Variants in KANK1 observed in about 807,000 individuals in gnomAD.
KANK1 encodes KN motif and ankyrin repeat domains 1.
In KANK1, 109 loss-of-function variants were observed where a neutral mutation model predicts 106.2. The observed-to-expected ratio is 1.03, with a 90% CI of 0.88 to 1.20. KANK1 has a LOEUF of 1.20. KANK1 is among the 50% of genes most tolerant of loss of function. The pLI is 0.00. For synonymous variants in KANK1, 873 were observed against 652.2 expected (o/e 1.34, Z -5.16); for missense variants, 2,399 against 1,710.7 (o/e 1.40, Z -7.10).
At chr9:635,803 A>T (rs1481129527) in intron 1 of KANK1, among the ~76,000 whole-genome samples, 1 of 137,702 alleles carries the variant, frequency 7.3e-6, no homozygotes, top group East Asian at 2.3e-4. Flanking sequence ...GGTTCAGGTG[A>T]TTCTCCTGTC....
chr9:496,433 G>T (rs2058460311), intron 3 of KANK1, among the ~76,000 whole-genome samples: 1 of 152,124 alleles, frequency 6.6e-6, no homozygotes. Flanking sequence ...ACATATGCCT[G>T]TATGTGCCAG....
intron 2 of KANK1, among the ~76,000 whole-genome samples, chr9:680,147 G>T (rs950200655): frequency 2.0e-5 from 3 of 152,058 alleles, no homozygotes; most frequent in African/African-American, 7.3e-5. Context: ...TGCTGCTTGG[G>T]CTTCATAGAG....
chr9:656,156 C>G (rs186434526), intron 1 of KANK1, among the ~76,000 whole-genome samples: 2 of 152,338 alleles, frequency 1.3e-5, no homozygotes, highest in East Asian at 1.9e-4. Flanking sequence ...TGAGCCCAAC[C>G]TTTCAGGCCT....
intron 1 of KANK1, among the ~76,000 whole-genome samples, chr9:611,522 G>GTC (rs1454351093): frequency 6.6e-6 from 1 of 152,182 alleles, no homozygotes; most frequent in African/African-American, 2.4e-5. Flanking sequence ...ATCCAAACAA[G>GTC]CCACTGAGGA....
At chr9:544,317 C>T (rs2060796560) in intron 1 of KANK1, among the ~76,000 whole-genome samples, 1 of 152,178 alleles carries the variant, frequency 6.6e-6, no homozygotes, top group Non-Finnish European at 1.5e-5. Context: ...GCCACTGCAC[C>T]TGGCCCTGTT....
intron 8 of KANK1, among the ~76,000 whole-genome samples, chr9:739,303 G>A (rs1281839371): frequency 6.6e-6 from 1 of 152,182 alleles, no homozygotes; most frequent in Non-Finnish European, 1.5e-5. Flanking sequence ...GAGTATCTCA[G>A]TCTGATTAAT....
Position 511,268 on chromosome 9 carries a change from C to T in KANK1, c.-84+6514C>T, listed in dbSNP as rs145529649. ...AAGTAAAAGGTGGCAGTGCTTGACACATAATACCATGGTCAGTCATAGGCT... is the reference window on the plus strand; with the variant it reads ...AAGTAAAAGGTGGCAGTGCTTGACATATAATACCATGGTCAGTCATAGGCT... On this transcript the variant is annotated intron_variant, in intron 1 of 11. Transcript: ENST00000382297. 3.6e-4 allele frequency among the ~76,000 whole-genome samples: 55 copies of T among 152,266 alleles called. 1 individual carries two copies. Among genetic ancestry groups the T allele is most frequent in the African/African-American group, 1.3e-3 (54 of 41,546 alleles).
chr9:598,936 C>G (rs544549309), intron 1 of KANK1, among the ~76,000 whole-genome samples: 1 of 148,740 alleles, frequency 6.7e-6, no homozygotes, highest in South Asian at 2.1e-4. Context: ...CCGGCCATCC[C>G]TAGGTATTTT....
chr9:689,544 A>G (rs1819380594), intron 2 of KANK1, among the ~76,000 whole-genome samples: 1 of 151,842 alleles, frequency 6.6e-6, no homozygotes, highest in Admixed American at 6.6e-5. Context: ...CACACCTCAC[A>G]GGAGGAGGAA....
At chr9:699,131 C>T (rs906075669) in intron 2 of KANK1, among the ~76,000 whole-genome samples, 6 of 152,168 alleles carry the variant, frequency 3.9e-5, no homozygotes, top group African/African-American at 1.2e-4. Flanking sequence ...CCTTAGCTAC[C>T]GCTCCCTTGA....
chr9:682,902 G>A (rs1175644739), intron 2 of KANK1, among the ~76,000 whole-genome samples: 1 of 152,204 alleles, frequency 6.6e-6, no homozygotes, highest in African/African-American at 2.4e-5. Flanking sequence ...GCAGTGCGGT[G>A]CACCCCACTC....
At chr9:647,135 G>A (rs1411249714) in intron 1 of KANK1, among the ~76,000 whole-genome samples, 2 of 151,070 alleles carry the variant, frequency 1.3e-5, no homozygotes, top group Non-Finnish European at 2.9e-5. Context: ...GACATCCAAA[G>A]TTAATTAGAA....
intron 1 of KANK1, among the ~76,000 whole-genome samples, chr9:667,480 TTCCTTGAGATGC>T (rs2138408987): frequency 6.6e-6 from 1 of 152,218 alleles, no homozygotes; most frequent in South Asian, 2.1e-4. Context: ...GCTTTTCTAG[TTCCTTGAGATGC>T]TCCATTATTA....
intron 1 of KANK1, among the ~76,000 whole-genome samples, chr9:575,184 C>G (rs1411849115): frequency 6.6e-6 from 1 of 152,216 alleles, no homozygotes; most frequent in African/African-American, 2.4e-5. Context: ...GCAGCTGATA[C>G]TTGGTAATGT....
intron 2 of KANK1, among the ~76,000 whole-genome samples, chr9:697,236 G>C (rs1193007448): frequency 6.6e-6 from 1 of 152,102 alleles, no homozygotes; most frequent in African/African-American, 2.4e-5. Flanking sequence ...ATGTGTTTCA[G>C]GCAGGGTCCA....
chr9:730,802 A>G (rs1832025928), intron 4 of KANK1: 1 of 181,130 alleles, frequency 5.5e-6, no homozygotes, highest in African/African-American at 2.4e-5. Flanking sequence ...TTTTCAGGTT[A>G]TCTCAGCTGA....
chr9:718,635 T>C (rs1170654098), intron 3 of KANK1, among the ~76,000 whole-genome samples: 1 of 151,972 alleles, frequency 6.6e-6, no homozygotes, highest in Non-Finnish European at 1.5e-5. Context: ...AAAGGGAGAT[T>C]GTGGACTTCC....
At chr9:681,375 T>G (rs940279328) in intron 2 of KANK1, among the ~76,000 whole-genome samples, 2 of 152,192 alleles carry the variant, frequency 1.3e-5, no homozygotes, top group African/African-American at 4.8e-5. Context: ...ATAGCTGTGT[T>G]TCTTTGGGGT....
intron 1 of KANK1, among the ~76,000 whole-genome samples, chr9:617,758 C>T (rs1160451401): frequency 2.0e-5 from 3 of 152,214 alleles, no homozygotes; most frequent in African/African-American, 4.8e-5. Context: ...CAGTTTGTGA[C>T]GCGTGCATGT....
Sources: gnomAD v4.1 joint callset for allele counts (sites outside exome capture counted in the v4.1 genomes callset) on GRCh38, gnomAD v4.1.1 for gene constraint, MANE v1.5 for transcripts, NCBI Gene and HGNC (gene_info 2026-07-23, HGNC 2026-07-21) for gene names.